Variants in SPATS2 observed in about 807,000 individuals in gnomAD.
The protein encoded by SPATS2 is spermatogenesis-associated serine-rich protein 2.
In SPATS2, 38 loss-of-function variants were observed where a neutral mutation model predicts 63.7. The ratio of observed to expected loss-of-function variants is 0.60; its 90% CI spans 0.46 to 0.78. SPATS2 has a LOEUF of 0.78. SPATS2 is among the 30% of genes least tolerant of loss of function. The pLI, the probability that SPATS2 is intolerant of heterozygous loss-of-function variation, is 0.00. For missense variants in SPATS2, 588 were observed against 666.2 expected (o/e 0.88, Z 1.29); for synonymous variants, 207 against 232.9 (o/e 0.89, Z 1.01).
intron 2 of SPATS2, among the ~76,000 whole-genome samples, chr12:49,374,298 T>G (rs1450283013): frequency 6.6e-6 from 1 of 152,028 alleles, no homozygotes; most frequent in African/African-American, 2.4e-5. Flanking sequence ...TCAGCTAGTT[T>G]TAAAATTTTT....
chr12:49,409,093 G>C (rs1173885473), intron 2 of SPATS2, among the ~76,000 whole-genome samples: 1 of 152,128 alleles, frequency 6.6e-6, no homozygotes, highest in Admixed American at 6.5e-5. Flanking sequence ...GAATTAACCT[G>C]ATATTCCAGG....
intron 2 of SPATS2, among the ~76,000 whole-genome samples, chr12:49,402,304 G>C (rs997622322): frequency 6.6e-6 from 1 of 152,240 alleles, no homozygotes; most frequent in Non-Finnish European, 1.5e-5. Flanking sequence ...TGATTATAAT[G>C]ATGGACCTTG....
rs564343407 is a variant in SPATS2 at position 49,422,925 on chromosome 12, A to AT, written c.-243-37838dup. On this transcript the variant is annotated intron_variant, in intron 2 of 13. Coordinates refer to ENST00000552918, the MANE Select transcript of SPATS2 (RefSeq NM_023071.4). ...AGACCCTATTTAAAAAAAAAAAAAA[A>AT]TTTTTTTAATTGACTGTGACTATGT... Among the ~76,000 whole-genome samples, 265 of 151,336 alleles carry AT rather than the reference A, an allele frequency of 1.8e-3. 5 individuals are homozygous for AT. Among genetic ancestry groups the AT allele is most frequent in the Non-Finnish European group, 6.5e-4 (44 of 67,816 alleles).
intron 3 of SPATS2, among the ~76,000 whole-genome samples, chr12:49,466,826 C>T (rs1407039828): frequency 1.3e-5 from 2 of 152,080 alleles, no homozygotes; most frequent in Non-Finnish European, 2.9e-5. Flanking sequence ...TCAGTTCTTA[C>T]AAGAATATCT....
intron 9 of SPATS2, among the ~76,000 whole-genome samples, chr12:49,503,089 A>G (rs1459404755): frequency 6.6e-6 from 1 of 152,204 alleles, no homozygotes; most frequent in Non-Finnish European, 1.5e-5. Context: ...ACAGTGGCTC[A>G]TGCCTGAATC....
chr12:49,481,504 G>A (rs1245114690), intron 3 of SPATS2, among the ~76,000 whole-genome samples: 1 of 109,730 alleles, frequency 9.1e-6, no homozygotes, highest in African/African-American at 3.7e-5. Flanking sequence ...GTCTTGCTCT[G>A]TCGCCCAGGC....
chr12:49,386,722 G>A (rs1385743282), intron 2 of SPATS2, among the ~76,000 whole-genome samples: 1 of 152,296 alleles, frequency 6.6e-6, no homozygotes, highest in African/African-American at 2.4e-5. Flanking sequence ...GATGGGAGAA[G>A]CAATGGATGG....
rs56940721 is a variant in SPATS2 at position 49,372,940 on chromosome 12, T to TTGTGTGTG, written c.-244+1695_-244+1702dup. On this transcript the variant is annotated intron_variant, in intron 2 of 13. Coordinates refer to ENST00000552918, the MANE Select transcript of SPATS2 (RefSeq NM_023071.4). ...CTAGCCTCTCATTTGATTTTCTGTT[T>TTGTGTGTG]TGTGTGTGTGTGTGTGTGTGTGTGT... Among the ~76,000 whole-genome samples the TTGTGTGTG allele has an allele frequency of 7.1e-3, 925 of 130,102 alleles. 8 individuals carry two copies. The highest frequency in any genetic ancestry group is 9.3e-3 in the Non-Finnish European group (570 of 61,500). 85.4% of individuals were successfully genotyped at this position (130,102 alleles called of 152,430 possible).
At chr12:49,409,728 G>A (rs1288339784) in intron 2 of SPATS2, among the ~76,000 whole-genome samples, 4 of 148,736 alleles carry the variant, frequency 2.7e-5, no homozygotes, top group Admixed American at 6.8e-5. Flanking sequence ...TCAGCCTCCC[G>A]AGTAGTTGGG....
chr12:49,521,010 C>T (rs950656358), intron 11 of SPATS2, among the ~76,000 whole-genome samples: 2 of 152,174 alleles, frequency 1.3e-5, no homozygotes, highest in South Asian at 2.1e-4. Flanking sequence ...TGAGCCACCA[C>T]GCCTGGCCAA....
At chr12:49,378,373 C>T (rs1212786448) in intron 2 of SPATS2, among the ~76,000 whole-genome samples, 1 of 151,976 alleles carries the variant, frequency 6.6e-6, no homozygotes, top group Non-Finnish European at 1.5e-5. Context: ...ACTCGGCTCA[C>T]TGCAACCTCC....
intron 3 of SPATS2, among the ~76,000 whole-genome samples, chr12:49,478,274 C>T (rs1380264482): frequency 6.6e-6 from 1 of 152,162 alleles, no homozygotes. Context: ...CCACTGCAGC[C>T]AGCCAGAATC....
chr12:49,384,440 C>G (rs912166191), intron 2 of SPATS2, among the ~76,000 whole-genome samples: 2 of 152,202 alleles, frequency 1.3e-5, no homozygotes, highest in Non-Finnish European at 2.9e-5. Flanking sequence ...ATACATGGTA[C>G]TGTTCTTACC....
At chr12:49,450,736 G>T (rs1387462982) in intron 2 of SPATS2, among the ~76,000 whole-genome samples, 4 of 151,918 alleles carry the variant, frequency 2.6e-5, no homozygotes, top group Non-Finnish European at 5.9e-5. Flanking sequence ...TAGAGATAGG[G>T]TTTCTCCATG....
chr12:49,489,172 T>G (rs1592450088), intron 4 of SPATS2, among the ~76,000 whole-genome samples: 1 of 152,250 alleles, frequency 6.6e-6, no homozygotes. Flanking sequence ...GATGCCACAT[T>G]AATACCTGAT....
In SPATS2 at chr12:49,521,593, C is replaced by CT. The variant is rs1946942309; in HGVS notation, c.1009-1157dup. ...CTCTTCCCACGTGGCTGAAAAGCTG[C>CT]TAGAAATATTTCTGCAGGCTGACTA... is the stretch of plus-strand genomic sequence containing the variant. On this transcript the variant is annotated intron_variant, in intron 11 of 13. Transcript: ENST00000552918. 2.0e-5 allele frequency among the ~76,000 whole-genome samples: 3 copies of CT among 152,248 alleles called. No homozygotes were observed. The South Asian group carries it at 6.2e-4, about 32-fold the overall frequency.
intron 2 of SPATS2, among the ~76,000 whole-genome samples, chr12:49,385,202 T>G (rs1191179055): frequency 6.6e-6 from 1 of 152,028 alleles, no homozygotes; most frequent in African/African-American, 2.4e-5. Flanking sequence ...TGAATGCAGC[T>G]TATATTCTAG....
intron 3 of SPATS2, among the ~76,000 whole-genome samples, chr12:49,467,445 C>G (rs1945943020): frequency 6.6e-6 from 1 of 152,024 alleles, no homozygotes; most frequent in African/African-American, 2.4e-5. Context: ...GGGAGTAATT[C>G]AAGGTTGGAA....
intron 2 of SPATS2, among the ~76,000 whole-genome samples, chr12:49,405,096 T>C (rs1180651239): frequency 6.6e-6 from 1 of 152,108 alleles, no homozygotes; most frequent in Non-Finnish European, 1.5e-5. Flanking sequence ...TATCTTGCTC[T>C]TTACAGAAAA....
Sources: allele counts gnomAD v4.1 joint callset (sites outside exome capture counted in the v4.1 genomes callset), GRCh38; gene constraint gnomAD v4.1.1; transcripts MANE v1.5; gene names NCBI Gene and HGNC (gene_info 2026-07-23, HGNC 2026-07-21).